Variants in WDR7 observed in about 807,000 individuals in gnomAD.
WDR7 encodes WD repeat-containing protein 7.
A neutral mutation model predicts 169.4 loss-of-function variants in WDR7; 46 were observed. The observed-to-expected ratio is 0.27, with a 90% confidence interval of 0.21 to 0.35. The LOEUF is 0.35. Ranked by LOEUF, WDR7 falls within the 10% of genes least tolerant of loss-of-function variation. The pLI, the probability that WDR7 is intolerant of heterozygous loss-of-function variation, is 1.00. For synonymous variants in WDR7, 612 were observed against 666.8 expected, an observed-to-expected ratio of 0.92 and a Z score of 1.27; for missense variants, 1,534 against 1,859.3, an observed-to-expected ratio of 0.83 and a Z score of 3.22.
intron 12 of WDR7, among the ~76,000 whole-genome samples, chr18:56,703,547 C>T (rs149445671): frequency 2.0e-5 from 3 of 152,208 alleles, no homozygotes; most frequent in Non-Finnish European, 4.4e-5. Context: ...ATACAATGTA[C>T]ATAATGTTCT....
chr18:56,753,268 A>C (rs2043823614), intron 14 of WDR7: 1 of 152,166 alleles, frequency 6.6e-6, no homozygotes, highest in Non-Finnish European at 1.5e-5. Context: ...AGAGGGAACA[A>C]AGAAATCTGT....
chr18:56,711,454 G>A (rs1303793402), intron 12 of WDR7, among the ~76,000 whole-genome samples: 7 of 151,842 alleles, frequency 4.6e-5, no homozygotes, highest in African/African-American at 1.7e-4. Flanking sequence ...TCTTAATCTT[G>A]TATTAAATCC....
At chr18:56,763,906 CTCTT>C (rs944280584) in intron 16 of WDR7, among the ~76,000 whole-genome samples, 7 of 151,956 alleles carry the variant, frequency 4.6e-5, no homozygotes, top group Admixed American at 2.6e-4. Flanking sequence ...ATTATATTCA[CTCTT>C]TCATTTCTGT....
At chr18:56,799,109 GA>G (rs2044629716) in intron 19 of WDR7, among the ~76,000 whole-genome samples, 1 of 152,166 alleles carries the variant, frequency 6.6e-6, no homozygotes, top group African/African-American at 2.4e-5. Context: ...AATGAACAAT[GA>G]AACAGTGCAG....
chr18:56,847,195 C>T (rs867176233), intron 20 of WDR7, among the ~76,000 whole-genome samples: 1 of 152,088 alleles, frequency 6.6e-6, no homozygotes, highest in African/African-American at 2.4e-5. Flanking sequence ...TAAAGGTTAC[C>T]CTTGTTACAC....
At chr18:56,831,917 G>A (rs1047787386) in intron 20 of WDR7, among the ~76,000 whole-genome samples, 10 of 152,132 alleles carry the variant, frequency 6.6e-5, no homozygotes, top group African/African-American at 2.2e-4. Flanking sequence ...GGCTGTTTGC[G>A]CGGACACCAA....
chr18:56,864,642 T>G (rs75933864), intron 20 of WDR7, among the ~76,000 whole-genome samples: 2,271 of 151,900 alleles, frequency 0.015, 58 homozygotes, highest in African/African-American at 0.05. Flanking sequence ...TAATAGAAGA[T>G]AAATATATCT....
At chr18:56,720,099 TAAAG>T (rs1317376603) in intron 13 of WDR7, among the ~76,000 whole-genome samples, 1 of 152,190 alleles carries the variant, frequency 6.6e-6, no homozygotes, top group Non-Finnish European at 1.5e-5. Flanking sequence ...GAATTAGTAT[TAAAG>T]AAAGTTCTTA....
chr18:56,710,220 G>C lies in WDR7; in HGVS notation c.1579-7744G>C, dbSNP rs149374478. Among the ~76,000 whole-genome samples the C allele has an allele frequency of 1.0e-2, 1,519 of 152,058 alleles. 9 individuals carry two copies. The highest frequency in any genetic ancestry group is 0.021 in the South Asian group (101 of 4,818). ...GGGTTTCACCGTGTTAGCCAGGATGGTCTTGATTTCCTGACCTTGTGATCC... is the reference window on the plus strand; with the variant it reads ...GGGTTTCACCGTGTTAGCCAGGATGCTCTTGATTTCCTGACCTTGTGATCC... On this transcript the variant is annotated intron_variant, in intron 12 of 27. Transcript: ENST00000254442.
intron 13 of WDR7, among the ~76,000 whole-genome samples, chr18:56,730,041 C>A (rs1177766846): frequency 6.6e-6 from 1 of 151,772 alleles, no homozygotes; most frequent in Non-Finnish European, 1.5e-5. Flanking sequence ...ATTTTTTTCT[C>A]ATAGATTTGT....
intron 26 of WDR7, among the ~76,000 whole-genome samples, chr18:57,018,778 C>T (rs142147441): frequency 2.0e-5 from 3 of 152,226 alleles, no homozygotes; most frequent in East Asian, 3.9e-4. Context: ...CTCAGATTGG[C>T]CCAATAGAAT....
intron 13 of WDR7, among the ~76,000 whole-genome samples, chr18:56,727,611 G>C (rs1242529602): frequency 6.6e-6 from 1 of 152,162 alleles, no homozygotes; most frequent in African/African-American, 2.4e-5. Flanking sequence ...GAACAGCATA[G>C]AGGAAACTGT....
intron 21 of WDR7, among the ~76,000 whole-genome samples, chr18:56,882,113 G>A (rs75370619): frequency 6.6e-6 from 1 of 152,134 alleles, no homozygotes; most frequent in Non-Finnish European, 1.5e-5. Context: ...CCCCACTCGG[G>A]CTTATTTATC....
At chr18:56,881,135 G>T (rs375354236) in intron 21 of WDR7, among the ~76,000 whole-genome samples, 1 of 152,204 alleles carries the variant, frequency 6.6e-6, no homozygotes, top group Non-Finnish European at 1.5e-5. Context: ...TGAGGGCCAT[G>T]TTAGTGACTT....
intron 20 of WDR7, among the ~76,000 whole-genome samples, chr18:56,851,848 A>G (rs776351743): frequency 3.3e-5 from 5 of 152,214 alleles, no homozygotes. Context: ...CTTCTTGCTC[A>G]TTGTTAGCAC....
intron 26 of WDR7, among the ~76,000 whole-genome samples, chr18:57,015,586 T>A (rs1599248777): frequency 6.6e-6 from 1 of 152,150 alleles, no homozygotes; most frequent in Non-Finnish European, 1.5e-5. Context: ...AGCAGTTACC[T>A]CCCTGCCAGC....
chr18:56,737,559 CTAAT>C (rs1568166553), intron 14 of WDR7, among the ~76,000 whole-genome samples: 1 of 151,990 alleles, frequency 6.6e-6, no homozygotes, highest in East Asian at 1.9e-4. Flanking sequence ...CTCATGTTGT[CTAAT>C]TAGTCAAAAG....
At chr18:56,791,471 G>T (rs2044484595) in intron 19 of WDR7, among the ~76,000 whole-genome samples, 1 of 152,048 alleles carries the variant, frequency 6.6e-6, no homozygotes, top group Admixed American at 6.6e-5. Context: ...CTTCTAGCAG[G>T]TGGCTACTAT....
At chr18:56,962,622 G>A (rs72930728) in intron 26 of WDR7, 93 bp downstream of exon 26, 749 of 1,140,700 alleles carry the variant, frequency 6.6e-4, no homozygotes, top group Non-Finnish European at 9.3e-4. Flanking sequence ...GTGCTGAGCT[G>A]CTGGAACATT....
Sources: allele counts gnomAD v4.1 joint callset (sites outside exome capture counted in the v4.1 genomes callset), GRCh38; gene constraint gnomAD v4.1.1; transcripts MANE v1.5; gene names NCBI Gene and HGNC (gene_info 2026-07-23, HGNC 2026-07-21).